AGBL4: variants seen among roughly 807,000 people sequenced by gnomAD.
AGBL4 encodes the protein AGBL carboxypeptidase 4, also known as cytosolic carboxypeptidase 6.
Under a neutral mutation model 66.4 loss-of-function variants are expected in AGBL4, and 58 were observed. The observed-to-expected ratio is 0.87, with a 90% CI of 0.71 to 1.09. The LOEUF is 1.09. AGBL4 is among the 50% of genes least tolerant of loss of function. The pLI, the probability that AGBL4 is intolerant of heterozygous loss-of-function variation, is 0.00. For synonymous variants in AGBL4, 234 were observed against 222.9 expected (o/e 1.05, Z -0.44); for missense variants, 579 against 631.0 (o/e 0.92, Z 0.88).
intron 4 of AGBL4, among the ~76,000 whole-genome samples, chr1:49,221,775 C>T (rs976313189): frequency 3.9e-5 from 6 of 151,946 alleles, no homozygotes; most frequent in African/African-American, 1.5e-4. Flanking sequence ...TCAATATAAA[C>T]CTCATTAAAT....
At chr1:48,587,261 T>C (rs2803277) in intron 10 of AGBL4, 95 bp from the exon 11 acceptor site, 481,282 of 1,249,116 alleles carry the variant, frequency 0.39, 97,709 homozygotes, top group South Asian at 0.54. Flanking sequence ...TCAGCTTCAC[T>C]GTCTGAAGAG....
intron 3 of AGBL4, among the ~76,000 whole-genome samples, chr1:49,472,886 T>C (rs1305717204): frequency 6.6e-6 from 1 of 152,012 alleles, no homozygotes; most frequent in Non-Finnish European, 1.5e-5. Context: ...GTACCGTATG[T>C]TTTACTCCCA....
intron 3 of AGBL4, among the ~76,000 whole-genome samples, chr1:49,329,059 C>A (rs376977221): frequency 3.9e-5 from 6 of 152,148 alleles, no homozygotes; most frequent in African/African-American, 1.2e-4. Context: ...GTAATCTCAG[C>A]GCTTTGGGAG....
chr1:48,697,055 G>A (rs948457345), intron 6 of AGBL4, among the ~76,000 whole-genome samples: 2 of 152,168 alleles, frequency 1.3e-5, no homozygotes, highest in Non-Finnish European at 2.9e-5. Context: ...TTTGAGGGCA[G>A]GGGTGAGGCT....
At chr1:48,627,402 C>T (rs986025816) in intron 9 of AGBL4, among the ~76,000 whole-genome samples, 4 of 151,638 alleles carry the variant, frequency 2.6e-5, no homozygotes, top group African/African-American at 7.3e-5. Flanking sequence ...GGCTATGTTG[C>T]GTGCTTGTGT....
At chr1:49,271,579 T>C (rs1191654876) in intron 3 of AGBL4, among the ~76,000 whole-genome samples, 1 of 151,802 alleles carries the variant, frequency 6.6e-6, no homozygotes. Context: ...TAAAATACTT[T>C]TGACGTTCTC....
chr1:49,174,354 G>T (rs1356555386), intron 4 of AGBL4, among the ~76,000 whole-genome samples: 1 of 152,078 alleles, frequency 6.6e-6, no homozygotes, highest in African/African-American at 2.4e-5. Flanking sequence ...AAAAGAGAAG[G>T]ATGGCAAAGT....
chr1:49,700,298 AATAGATAG>A (rs59788309), intron 2 of AGBL4, among the ~76,000 whole-genome samples: 24,955 of 146,332 alleles, frequency 0.17, 2,224 homozygotes, highest in African/African-American at 0.23. Flanking sequence ...AAAAACATTA[AATAGATAG>A]ATAGATAGAT....
chr1:48,841,836 G>A (rs1385848923), intron 6 of AGBL4, among the ~76,000 whole-genome samples: 3 of 151,850 alleles, frequency 2.0e-5, no homozygotes, highest in African/African-American at 7.3e-5. Context: ...AAAAATCTGT[G>A]GCAATTAATT....
intron 3 of AGBL4, among the ~76,000 whole-genome samples, chr1:49,638,876 C>T (rs780379616): frequency 5.9e-5 from 9 of 152,118 alleles, no homozygotes; most frequent in African/African-American, 1.4e-4. Flanking sequence ...ACTACTAACA[C>T]GCCAATCCCT....
At chr1:49,309,002 C>CACAT (rs1462973524) in intron 3 of AGBL4, among the ~76,000 whole-genome samples, 3 of 152,054 alleles carry the variant, frequency 2.0e-5, no homozygotes, top group Non-Finnish European at 4.4e-5. Context: ...AGCTTTTGAG[C>CACAT]ACATACCTTA....
intron 4 of AGBL4, among the ~76,000 whole-genome samples, chr1:49,146,948 A>G (rs1361065446): frequency 6.6e-6 from 1 of 152,262 alleles, no homozygotes; most frequent in Non-Finnish European, 1.5e-5. Flanking sequence ...GGAGGAAATC[A>G]TAATTCATCA....
chr1:49,734,311 G>A (rs1043873715), intron 2 of AGBL4, among the ~76,000 whole-genome samples: 1 of 151,678 alleles, frequency 6.6e-6, no homozygotes, highest in Non-Finnish European at 1.5e-5. Flanking sequence ...CAGAGAGACA[G>A]AGAGAGAGAA....
chr1:49,655,572 A>C (rs1187809480), intron 3 of AGBL4, among the ~76,000 whole-genome samples: 1 of 152,214 alleles, frequency 6.6e-6, no homozygotes, highest in African/African-American at 2.4e-5. Flanking sequence ...AGGGAAATTT[A>C]TAGCACTAAA....
At chr1:49,147,955 C>T (rs1296617599) in intron 4 of AGBL4, among the ~76,000 whole-genome samples, 1 of 152,126 alleles carries the variant, frequency 6.6e-6, no homozygotes. Flanking sequence ...AGGGATCTTT[C>T]TGCATCCTCA....
intron 3 of AGBL4, among the ~76,000 whole-genome samples, chr1:49,382,231 T>C (rs1006542052): frequency 1.3e-5 from 2 of 152,028 alleles, no homozygotes; most frequent in African/African-American, 4.8e-5. Flanking sequence ...GAGAACAAGA[T>C]AAGAAATAGA....
At chr1:49,499,552 C>A (rs1490376213) in intron 3 of AGBL4, among the ~76,000 whole-genome samples, 1 of 151,610 alleles carries the variant, frequency 6.6e-6, no homozygotes, top group African/African-American at 2.4e-5. Flanking sequence ...TCCATTACAT[C>A]ATTCTTATGC....
At chr1:48,889,744 G>T (rs183361872) in intron 5 of AGBL4, among the ~76,000 whole-genome samples, 2 of 152,292 alleles carry the variant, frequency 1.3e-5, no homozygotes, top group East Asian at 1.9e-4. Flanking sequence ...GGAAGGACCT[G>T]CAGGGCAAGG....
chr1:48,697,986 C>T (rs1253882434), intron 6 of AGBL4, among the ~76,000 whole-genome samples: 1 of 152,228 alleles, frequency 6.6e-6, no homozygotes, highest in East Asian at 1.9e-4. Context: ...GACCAAACCC[C>T]AAGGCCAGTT....
Sources: gnomAD v4.1 joint callset for allele counts (sites outside exome capture counted in the v4.1 genomes callset) on GRCh38, gnomAD v4.1.1 for gene constraint, MANE v1.5 for transcripts, NCBI Gene and HGNC (gene_info 2026-07-23, HGNC 2026-07-21) for gene names.